ARHGAP24: variants seen among roughly 807,000 people sequenced by gnomAD.
The protein encoded by ARHGAP24 is Rho GTPase activating protein 24.
Under a neutral mutation model 76.4 loss-of-function variants are expected in ARHGAP24, and 50 were observed. That is an observed-to-expected ratio of 0.65 (90% CI 0.52 to 0.83). ARHGAP24 has a LOEUF of 0.83. Ranked by LOEUF, ARHGAP24 falls within the 40% of genes least tolerant of loss-of-function variation. The pLI is 0.00. For missense variants in ARHGAP24, 930 were observed against 914.2 expected, an observed-to-expected ratio of 1.02 and a Z score of -0.22; for synonymous variants, 345 against 323.3, an observed-to-expected ratio of 1.07 and a Z score of -0.72.
At chr4:85,752,958 A>G (rs1726319424) in intron 3 of ARHGAP24, among the ~76,000 whole-genome samples, 1 of 152,214 alleles carries the variant, frequency 6.6e-6, no homozygotes, top group African/African-American at 2.4e-5. Flanking sequence ...GGGATAAGGC[A>G]GTGAATATTT....
chr4:85,646,496 C>T (rs1721726421), intron 2 of ARHGAP24, among the ~76,000 whole-genome samples: 1 of 151,910 alleles, frequency 6.6e-6, no homozygotes, highest in Non-Finnish European at 1.5e-5. Context: ...GAAGTCTATA[C>T]TATTATTTTC....
At chr4:85,487,821 CAT>C (rs1313704987) in intron 1 of ARHGAP24, among the ~76,000 whole-genome samples, 77 of 106,048 alleles carry the variant, frequency 7.3e-4, no homozygotes, top group African/African-American at 2.4e-3. Flanking sequence ...ATTATATAAA[CAT>C]ATTTATTACA....
At chr4:85,787,567 CA>C (rs755965244) in intron 3 of ARHGAP24, among the ~76,000 whole-genome samples, 1 of 151,908 alleles carries the variant, frequency 6.6e-6, no homozygotes, top group Non-Finnish European at 1.5e-5. Context: ...TTTTGAGTTT[CA>C]AAAAAATCTA....
intron 2 of ARHGAP24, among the ~76,000 whole-genome samples, chr4:85,579,741 A>C (rs887388333): frequency 1.3e-5 from 2 of 152,168 alleles, no homozygotes; most frequent in Non-Finnish European, 2.9e-5. Flanking sequence ...TTCTTTTAGC[A>C]TAATATTTTC....
chr4:85,866,291 T>C (rs1732194965), intron 3 of ARHGAP24, among the ~76,000 whole-genome samples: 1 of 152,160 alleles, frequency 6.6e-6, no homozygotes, highest in Non-Finnish European at 1.5e-5. Context: ...TAACTTCTCA[T>C]GAATCAGAAG....
At chr4:85,656,936 G>T (rs1722198793) in intron 2 of ARHGAP24, among the ~76,000 whole-genome samples, 1 of 142,894 alleles carries the variant, frequency 7.0e-6, no homozygotes, top group Non-Finnish European at 1.5e-5. Flanking sequence ...ATTCTTGGCT[G>T]GAGTGTAAGC....
At chr4:85,880,467 C>T (rs1228701671) in intron 3 of ARHGAP24, among the ~76,000 whole-genome samples, 1 of 152,180 alleles carries the variant, frequency 6.6e-6, no homozygotes, top group African/African-American at 2.4e-5. Flanking sequence ...TCCACCCACA[C>T]ATTTAATGGC....
chr4:85,540,512 T>G (rs1481002932), intron 1 of ARHGAP24, among the ~76,000 whole-genome samples: 1 of 152,200 alleles, frequency 6.6e-6, no homozygotes, highest in East Asian at 1.9e-4. Flanking sequence ...TCTATCAATT[T>G]TATTGGAGCA....
intron 2 of ARHGAP24, among the ~76,000 whole-genome samples, chr4:85,622,043 C>T (rs1235949644): frequency 6.6e-6 from 1 of 151,718 alleles, no homozygotes; most frequent in East Asian, 1.9e-4. Flanking sequence ...CTTGTTTCTC[C>T]TTTTTTGCTT....
intron 2 of ARHGAP24, among the ~76,000 whole-genome samples, chr4:85,599,492 A>G (rs926626885): frequency 1.3e-5 from 2 of 152,196 alleles, no homozygotes; most frequent in African/African-American, 4.8e-5. Flanking sequence ...CTTTCTGGGA[A>G]TATCCATGAT....
Position 85,974,945 on chromosome 4 carries a change from C to G in ARHGAP24, c.790C>G (p.Leu264Val). 6.2e-7 allele frequency: 1 copy of G among 1,613,744 alleles called. No homozygotes were observed. The highest frequency in any genetic ancestry group is 8.5e-7 in the Non-Finnish European group (1 of 1,179,826). Reference protein sequence around the residue: ...KSLPVVNYNLLKYICRFLDEV... With the variant: ...KSLPVVNYNLVKYICRFLDEV... ...TTTGCCAGTGGTAAATTACAACCTC[C>G]TCAAGTATATTTGCAGGTAAGAACT... The change falls in exon 7 of 10, where the codon CTC (leucine) becomes GTC (valine). Residue 264 changes from leucine to valine, a missense_variant. By Grantham distance (32) the Leu-to-Val change is conservative (BLOSUM62 1). Transcript: ENST00000395184.
chr4:85,773,220 T>C (rs895327354), intron 3 of ARHGAP24, among the ~76,000 whole-genome samples: 1 of 152,210 alleles, frequency 6.6e-6, no homozygotes, highest in African/African-American at 2.4e-5. Flanking sequence ...AGTATCTTAC[T>C]TATACATAGA....
chr4:85,770,104 T>G (rs17010839), intron 3 of ARHGAP24, among the ~76,000 whole-genome samples: 22,944 of 152,154 alleles, frequency 0.15, 2,022 homozygotes, highest in East Asian at 0.25. Flanking sequence ...TTTCATTATT[T>G]TCTGAACCAC....
intron 8 of ARHGAP24, chr4:85,990,449 C>T (rs926214463): frequency 6.6e-6 from 1 of 151,582 alleles, no homozygotes; most frequent in Non-Finnish European, 1.5e-5. Flanking sequence ...ATAAGTTTTA[C>T]AGGGAAATAA....
intron 3 of ARHGAP24, among the ~76,000 whole-genome samples, chr4:85,729,943 G>T (rs935927155): frequency 2.6e-5 from 4 of 152,110 alleles, no homozygotes; most frequent in Non-Finnish European, 1.5e-5. Flanking sequence ...ATGAAATACT[G>T]ATATAAATCA....
At chr4:85,896,687 G>A (rs906737919) in intron 3 of ARHGAP24, among the ~76,000 whole-genome samples, 11 of 152,134 alleles carry the variant, frequency 7.2e-5, no homozygotes, top group South Asian at 2.1e-4. Context: ...AGAGGCCGTA[G>A]CAGTGTTTCA....
At position 85,827,461 on chromosome 4, in the gene ARHGAP24, C is replaced by CGTGTGTGTGTGTGTGTGTGT. The variant is rs56379272; in HGVS notation, c.269-96150_269-96131dup. On this transcript the variant is annotated intron_variant, in intron 3 of 9. Coordinates refer to ENST00000395184, the MANE Select transcript of ARHGAP24 (RefSeq NM_001025616.3). ...TAGAATAGCTACACTGAAGTCTGCC[C>CGTGTGTGTGTGTGTGTGTGT]GTGTGTGTGTGTGTGTGTGTGTGTG... is the stretch of plus-strand genomic sequence containing the variant. Among the ~76,000 whole-genome samples, 362 of 108,702 alleles carry CGTGTGTGTGTGTGTGTGTGT rather than the reference C, an allele frequency of 3.3e-3. 6 individuals carry two copies. The highest frequency in any genetic ancestry group is 4.4e-3 in the Non-Finnish European group (228 of 51,594). The allele number at this position is 108,702 out of a possible 152,430, so 71.3% of individuals were successfully genotyped here.
At chr4:85,483,645 A>T (rs1255495250) in intron 1 of ARHGAP24, among the ~76,000 whole-genome samples, 2 of 152,136 alleles carry the variant, frequency 1.3e-5, no homozygotes, top group African/African-American at 4.8e-5. Context: ...AAACAAAAAT[A>T]AAAAATATAA....
intron 2 of ARHGAP24, 49 bp from the exon 3 acceptor site, chr4:85,721,836 G>A: frequency 6.8e-7 from 1 of 1,461,198 alleles, no homozygotes; most frequent in Non-Finnish European, 9.6e-7. Context: ...GATGATATAT[G>A]ATGTTTGCTC....
Sources: gnomAD v4.1 joint callset for allele counts (sites outside exome capture counted in the v4.1 genomes callset) on GRCh38, gnomAD v4.1.1 for gene constraint, MANE v1.5 for transcripts, NCBI Gene and HGNC (gene_info 2026-07-23, HGNC 2026-07-21) for gene names.